SLC12A8: variants seen among roughly 807,000 people sequenced by gnomAD.
SLC12A8 encodes solute carrier family 12 member 8.
Under a neutral mutation model 75.6 loss-of-function variants are expected in SLC12A8, and 69 were observed. The observed-to-expected ratio is 0.91, with a 90% CI of 0.75 to 1.11. SLC12A8 has a LOEUF of 1.11. Among genes scored for constraint, SLC12A8 ranks in the 50% most tolerant of loss-of-function variants. SLC12A8 has a pLI of 0.00. For missense variants in SLC12A8, 877 were observed against 896.7 expected, an observed-to-expected ratio of 0.98 and a Z score of 0.28; for synonymous variants, 365 against 372.8, an observed-to-expected ratio of 0.98 and a Z score of 0.24.
intron 5 of SLC12A8, among the ~76,000 whole-genome samples, chr3:125,161,991 C>T (rs1934185732): frequency 6.6e-6 from 1 of 152,266 alleles, no homozygotes; most frequent in African/African-American, 2.4e-5. Context: ...AAGCTGGCCC[C>T]ACCCTGGGCT....
intron 12 of SLC12A8, among the ~76,000 whole-genome samples, chr3:125,088,937 AAC>A (rs1938524525): frequency 1.3e-5 from 2 of 152,200 alleles, no homozygotes; most frequent in Non-Finnish European, 2.9e-5. Context: ...CCTGACATCA[AAC>A]ACACAGATTT....
intron 4 of SLC12A8, among the ~76,000 whole-genome samples, chr3:125,186,087 C>T (rs540707596): frequency 1.3e-4 from 19 of 151,722 alleles, no homozygotes; most frequent in Middle Eastern, 3.4e-3. Context: ...GTGTCTGTAC[C>T]GAGAGGGGGA....
chr3:125,165,663 C>T (rs1481507987), intron 5 of SLC12A8, among the ~76,000 whole-genome samples: 1 of 152,248 alleles, frequency 6.6e-6, no homozygotes, highest in African/African-American at 2.4e-5. Context: ...GAGCCATCCT[C>T]ACCCGTCCGG....
intron 8 of SLC12A8, among the ~76,000 whole-genome samples, chr3:125,116,066 G>A (rs916902417): frequency 2.6e-5 from 4 of 152,178 alleles, no homozygotes. Context: ...GCCTGAGCAC[G>A]GTACCTGCTA....
At position 125,083,250 on chromosome 3, in the gene SLC12A8, A is replaced by G. The variant is rs974061265; in HGVS notation, c.*640T>C. The G allele has an allele frequency of 5.3e-5, 8 of 152,182 alleles. No individual in the cohort carries two copies. The highest frequency in any genetic ancestry group is 1.7e-4 in the African/African-American group (7 of 41,434). The allele number at this position is 152,182 out of a possible 1,614,324, so 9.4% of individuals were successfully genotyped here. A position where few individuals can be genotyped will look rare whatever the true frequency, so the allele number is the denominator to read the frequency against. On this transcript the variant is annotated 3_prime_UTR_variant, in exon 14 of 14. Transcript: ENST00000469902. ...CTTATTGTGGCCCTCTGCACAAGCA[A>G]TCTGGTTGTGCAGAGTCTTGGTGTC...
intron 13 of SLC12A8, chr3:125,088,067 A>G (rs1938503526): frequency 7.8e-6 from 4 of 513,814 alleles, no homozygotes; most frequent in Non-Finnish European, 1.4e-5. Context: ...TCTGTTCTTG[A>G]TGACTGAGGA....
At chr3:125,173,332 G>A (rs1466831083) in intron 5 of SLC12A8, among the ~76,000 whole-genome samples, 2 of 150,594 alleles carry the variant, frequency 1.3e-5, no homozygotes, top group Non-Finnish European at 2.9e-5. Context: ...GAACAGAAAA[G>A]AGAACCCAGA....
intron 5 of SLC12A8, among the ~76,000 whole-genome samples, chr3:125,165,086 G>A (rs1378599812): frequency 6.6e-6 from 1 of 152,168 alleles, no homozygotes; most frequent in Non-Finnish European, 1.5e-5. Flanking sequence ...CACTGTTCCT[G>A]CATCTTTGAG....
intron 2 of SLC12A8, 89 bp downstream of exon 2, chr3:125,211,210 T>G: frequency 9.6e-7 from 1 of 1,041,492 alleles, no homozygotes; most frequent in Middle Eastern, 2.6e-4. Flanking sequence ...ATCTAAAGGG[T>G]GCGCTGTAAT....
intron 8 of SLC12A8, chr3:125,110,717 A>C: frequency 6.0e-6 from 1 of 166,252 alleles, no homozygotes; most frequent in African/African-American, 2.4e-5. Context: ...GCCAACCACA[A>C]TGCTCATTGG....
At chr3:125,128,462 G>A (rs1037188202) in intron 6 of SLC12A8, among the ~76,000 whole-genome samples, 2 of 144,818 alleles carry the variant, frequency 1.4e-5, no homozygotes, top group African/African-American at 2.6e-5. Flanking sequence ...TTACAGGCGT[G>A]AGCCACCGCG....
At chr3:125,125,971 T>C in intron 6 of SLC12A8, 1 of 981,096 alleles carries the variant, frequency 1.0e-6, no homozygotes, top group Admixed American at 6.1e-5. Flanking sequence ...TAGACAGTGC[T>C]GGATTGATGG....
intron 3 of SLC12A8, 110 bp downstream of exon 3, chr3:125,190,264 AG>A: frequency 8.4e-7 from 1 of 1,190,680 alleles, no homozygotes; most frequent in Non-Finnish European, 1.2e-6. Context: ...TTCGTGTTTC[AG>A]GAGCATCTGT....
At chr3:125,150,902 T>TA (rs1350275982) in intron 5 of SLC12A8, among the ~76,000 whole-genome samples, 2 of 152,134 alleles carry the variant, frequency 1.3e-5, no homozygotes, top group Non-Finnish European at 2.9e-5. Flanking sequence ...AAAATCATGA[T>TA]AAAAAACTAC....
chr3:125,103,867 CA>C (rs1293289700), intron 10 of SLC12A8, among the ~76,000 whole-genome samples: 1 of 152,070 alleles, frequency 6.6e-6, no homozygotes, highest in Non-Finnish European at 1.5e-5. Flanking sequence ...CTCCTGGGCT[CA>C]AACATTCCTC....
intron 6 of SLC12A8, among the ~76,000 whole-genome samples, chr3:125,134,508 T>C (rs1560063052): frequency 6.6e-6 from 1 of 152,218 alleles, no homozygotes; most frequent in Non-Finnish European, 1.5e-5. Flanking sequence ...CTATTTCCAG[T>C]TTGGGACTAT....
At chr3:125,110,392 C>A (rs1278928096) in intron 8 of SLC12A8, 57 bp from the exon 9 acceptor site, 2 of 1,551,286 alleles carry the variant, frequency 1.3e-6, no homozygotes, top group African/African-American at 2.7e-5. Context: ...TGCCTTTCTA[C>A]CCCCCCAGCA....
intron 5 of SLC12A8, among the ~76,000 whole-genome samples, chr3:125,166,021 T>C (rs1277707155): frequency 1.3e-5 from 2 of 152,174 alleles, no homozygotes. Flanking sequence ...TTCTGGTAAA[T>C]TAAATTCACT....
intron 5 of SLC12A8, among the ~76,000 whole-genome samples, chr3:125,164,781 C>T (rs550936555): frequency 1.4e-4 from 21 of 152,372 alleles, no homozygotes; most frequent in Middle Eastern, 3.4e-3. Flanking sequence ...TCAACCCTGG[C>T]TGCACAGTAG....
Sources: allele counts gnomAD v4.1 joint callset (sites outside exome capture counted in the v4.1 genomes callset), GRCh38; gene constraint gnomAD v4.1.1; transcripts MANE v1.5; gene names NCBI Gene and HGNC (gene_info 2026-07-23, HGNC 2026-07-21).